DIP2C: variants seen among roughly 807,000 people sequenced by gnomAD.
The protein encoded by DIP2C is DIP2 acetate--CoA ligase C (putative).
DIP2C carries 33 observed loss-of-function variants against 192.4 expected under a neutral mutation model. The observed-to-expected ratio is 0.17, with a 90% CI of 0.13 to 0.23. The LOEUF is 0.23. Ranked by LOEUF, DIP2C falls within the 10% of genes least tolerant of loss-of-function variation. DIP2C has a pLI of 1.00. For synonymous variants in DIP2C, 979 were observed against 864.1 expected, an observed-to-expected ratio of 1.13 and a Z score of -2.33; for missense variants, 1,537 against 2,110.1, an observed-to-expected ratio of 0.73 and a Z score of 5.32.
intron 1 of DIP2C, among the ~76,000 whole-genome samples, chr10:602,442 G>A (rs554791276): frequency 2.0e-5 from 3 of 152,316 alleles, no homozygotes; most frequent in East Asian, 1.9e-4. Context: ...AGCAATCTCC[G>A]ATGGGATACG....
At chr10:562,098 T>G (rs1037421770) in intron 1 of DIP2C, among the ~76,000 whole-genome samples, 1 of 152,232 alleles carries the variant, frequency 6.6e-6, no homozygotes, top group Admixed American at 6.5e-5. Context: ...AGCTACATCT[T>G]TTGCTACTCC....
At chr10:680,186 G>A (rs1831080797) in intron 1 of DIP2C, among the ~76,000 whole-genome samples, 1 of 152,160 alleles carries the variant, frequency 6.6e-6, no homozygotes, top group Non-Finnish European at 1.5e-5. Context: ...TCCTCAGGAA[G>A]GAAGCAGAGA....
At chr10:291,379 C>A (rs1955491408) in intron 32 of DIP2C, among the ~76,000 whole-genome samples, 1 of 152,198 alleles carries the variant, frequency 6.6e-6, no homozygotes, top group African/African-American at 2.4e-5. Context: ...CAGGTCGGTG[C>A]TGGATGAAAA....
chr10:579,670 T>C (rs1025090192), intron 1 of DIP2C, among the ~76,000 whole-genome samples: 3 of 152,086 alleles, frequency 2.0e-5, no homozygotes, highest in Non-Finnish European at 2.9e-5. Flanking sequence ...CCATAGTGTA[T>C]GTACGTAAGT....
intron 32 of DIP2C, among the ~76,000 whole-genome samples, chr10:302,179 G>C (rs1377804107): frequency 1.3e-5 from 2 of 152,146 alleles, no homozygotes; most frequent in Non-Finnish European, 2.9e-5. Flanking sequence ...AACTGTATCA[G>C]ATAATTGTAC....
intron 1 of DIP2C, among the ~76,000 whole-genome samples, chr10:624,636 C>T (rs1854082960): frequency 6.6e-6 from 1 of 152,194 alleles, no homozygotes. Context: ...CTCCAAAGTC[C>T]CACGGAGGAG....
chr10:608,773 C>T (rs535429766), intron 1 of DIP2C, among the ~76,000 whole-genome samples: 10 of 141,062 alleles, frequency 7.1e-5, no homozygotes, highest in East Asian at 4.3e-4. Flanking sequence ...TCTGGGCATT[C>T]GGAATAGACC....
intron 2 of DIP2C, among the ~76,000 whole-genome samples, chr10:475,046 G>A (rs1206784318): frequency 6.6e-6 from 1 of 152,140 alleles, no homozygotes; most frequent in Non-Finnish European, 1.5e-5. Flanking sequence ...TGCCCGAAGA[G>A]CCCTCTCCTC....
intron 1 of DIP2C, among the ~76,000 whole-genome samples, chr10:498,744 G>A (rs142227083): frequency 0.01 from 1,595 of 152,204 alleles, 9 homozygotes; most frequent in Non-Finnish European, 0.017. Context: ...CTCAGCTCCA[G>A]CACACCTCAG....
chr10:305,369 G>C (rs963269245), intron 32 of DIP2C, among the ~76,000 whole-genome samples: 1 of 152,126 alleles, frequency 6.6e-6, no homozygotes, highest in East Asian at 1.9e-4. Flanking sequence ...CGGGTGAAAG[G>C]CTCCTGTTAA....
intron 1 of DIP2C, among the ~76,000 whole-genome samples, chr10:561,191 C>T (rs1849196794): frequency 6.6e-6 from 1 of 152,168 alleles, no homozygotes; most frequent in African/African-American, 2.4e-5. Context: ...TATCGTGGGC[C>T]ATGGTAACTC....
At chr10:326,149 C>T (rs1957264324) in intron 31 of DIP2C, among the ~76,000 whole-genome samples, 1 of 152,018 alleles carries the variant, frequency 6.6e-6, no homozygotes, top group Middle Eastern at 3.2e-3. Flanking sequence ...AGCCATGACG[C>T]CACTGCACTC....
intron 1 of DIP2C, among the ~76,000 whole-genome samples, chr10:586,398 G>A (rs1044013521): frequency 1.3e-5 from 2 of 152,086 alleles, no homozygotes; most frequent in Admixed American, 1.3e-4. Flanking sequence ...CCTTGCTAGG[G>A]GCTTCCTCAG....
chr10:590,244 G>C (rs1422697433), intron 1 of DIP2C, among the ~76,000 whole-genome samples: 2 of 152,216 alleles, frequency 1.3e-5, no homozygotes, highest in East Asian at 3.9e-4. Context: ...TAGTTATCAG[G>C]GGACAAGAAA....
In DIP2C at chr10:440,959, T is replaced by C. The variant is rs1030674887; in HGVS notation, c.306A>G (p.Lys102=). ...HTEAVQAALA[K]HKERKMAVPM... is the part of the protein sequence containing the mutation. Reference sequence around the variant, plus strand: ...GCACTGCCATCTTCCGCTCTTTGTGTTTGGCCAGAGCCGCCTGGACAGCTT... The same window carrying C: ...GCACTGCCATCTTCCGCTCTTTGTGCTTGGCCAGAGCCGCCTGGACAGCTT... The change falls in exon 4 of 37, where the codon AAA becomes AAG. Residue 102 remains lysine (K), a synonymous_variant. Coordinates refer to ENST00000280886, the MANE Select transcript of DIP2C (RefSeq NM_014974.3). The C allele has an allele frequency of 1.2e-6, 2 of 1,613,674 alleles. No homozygotes were observed. Among genetic ancestry groups the C allele is most frequent in the Non-Finnish European group, 1.7e-6 (2 of 1,180,028 alleles).
chr10:575,821 C>T (rs78276774), intron 1 of DIP2C, among the ~76,000 whole-genome samples: 4,604 of 152,240 alleles, frequency 0.03, 227 homozygotes, highest in African/African-American at 0.1. Flanking sequence ...CGCAAGGAGC[C>T]AAAGAAGAGT....
At chr10:293,007 C>A (rs1955569850) in intron 32 of DIP2C, among the ~76,000 whole-genome samples, 1 of 152,230 alleles carries the variant, frequency 6.6e-6, no homozygotes, top group South Asian at 2.1e-4. Context: ...GCATTCTCTA[C>A]CCCAACAGAA....
chr10:668,482 A>G (rs1190829338), intron 1 of DIP2C: 1 of 151,424 alleles, frequency 6.6e-6, no homozygotes, highest in Non-Finnish European at 1.5e-5. Flanking sequence ...CATACAACAC[A>G]CATTCATACA....
chr10:629,847 A>G (rs530605595), intron 1 of DIP2C: 9 of 152,360 alleles, frequency 5.9e-5, no homozygotes, highest in African/African-American at 2.2e-4. Flanking sequence ...AACTGCCCTC[A>G]TTTCTTTACA....
Sources: gnomAD v4.1 joint callset for allele counts (sites outside exome capture counted in the v4.1 genomes callset) on GRCh38, gnomAD v4.1.1 for gene constraint, MANE v1.5 for transcripts, NCBI Gene and HGNC (gene_info 2026-07-23, HGNC 2026-07-21) for gene names.